Variants in CSRNP3 observed in about 807,000 individuals in gnomAD.
The protein encoded by CSRNP3 is cysteine and serine rich nuclear protein 3.
A neutral mutation model predicts 48.0 loss-of-function variants in CSRNP3; 12 were observed. That is an observed-to-expected ratio of 0.25 (90% confidence interval 0.16 to 0.41). The LOEUF (loss-of-function observed/expected upper bound fraction) is 0.41, where lower values mean the gene tolerates loss of function less well. CSRNP3 is among the 10% of genes least tolerant of loss of function. The pLI is 1.00. For missense variants in CSRNP3, 580 were observed against 724.4 expected (o/e 0.80, Z 2.29); for synonymous variants, 263 against 269.7 (o/e 0.98, Z 0.24).
At chr2:165,571,499 A>G (rs1473206138) in intron 3 of CSRNP3, among the ~76,000 whole-genome samples, 2 of 151,958 alleles carry the variant, frequency 1.3e-5, no homozygotes, top group Admixed American at 1.3e-4. Context: ...ATACACACAC[A>G]TATTTGTATA....
Position 165,515,801 on chromosome 2 carries a change from C to CT in CSRNP3, c.-112-2050dup, listed in dbSNP as rs532831528. On this transcript the variant is annotated intron_variant, in intron 2 of 6. Transcript: ENST00000651982. ...TGCAAATATCTTTTTCTTTTCCTTT[C>CT]TTTTTTTTTTTTTTTTTTTTTTGAG... is the stretch of plus-strand genomic sequence containing the variant. Among the ~76,000 whole-genome samples, 249 of 106,040 alleles carry CT rather than the reference C, an allele frequency of 2.3e-3. 1 individual carries two copies. Among genetic ancestry groups the CT allele is most frequent in the Non-Finnish European group, 3.2e-3 (176 of 54,498 alleles). The allele number at this position is 106,040 out of a possible 152,430, so 69.6% of individuals were successfully genotyped here.
intron 3 of CSRNP3, among the ~76,000 whole-genome samples, chr2:165,539,022 G>A (rs1684918673): frequency 6.6e-6 from 1 of 151,836 alleles, no homozygotes; most frequent in Admixed American, 6.6e-5. Context: ...CTGGAATAGT[G>A]GATTGAAAAA....
chr2:165,686,929 T>C lies in CSRNP3; in HGVS notation c.*7176T>C, dbSNP rs1034118473. ...CTAGGAGGGATCTCCAGAGGTCATATGGCTCATCGATCTACCACCAGGGAA... is the reference window on the plus strand; with the variant it reads ...CTAGGAGGGATCTCCAGAGGTCATACGGCTCATCGATCTACCACCAGGGAA... On this transcript the variant is annotated 3_prime_UTR_variant, in exon 7 of 7. Transcript: ENST00000651982. 6.6e-6 allele frequency: 1 copy of C among 152,114 alleles called. No homozygotes were observed. The highest frequency in any genetic ancestry group is 2.4e-5 in the African/African-American group (1 of 41,438). 9.4% of individuals were successfully genotyped at this position (152,114 alleles called of 1,614,324 possible).
chr2:165,648,434 G>A (rs1686849195), intron 4 of CSRNP3, among the ~76,000 whole-genome samples: 1 of 151,890 alleles, frequency 6.6e-6, no homozygotes. Context: ...ATAAGCAGGA[G>A]GATCAGTGCT....
At chr2:165,660,562 C>T (rs555531008) in intron 5 of CSRNP3, among the ~76,000 whole-genome samples, 40 of 152,138 alleles carry the variant, frequency 2.6e-4, no homozygotes, top group African/African-American at 8.2e-4. Flanking sequence ...TGGTGAACTC[C>T]GAGACACGTG....
chr2:165,596,906 A>G (rs2105296944), intron 4 of CSRNP3, among the ~76,000 whole-genome samples: 1 of 152,328 alleles, frequency 6.6e-6, no homozygotes, highest in South Asian at 2.1e-4. Context: ...CAATAGCTTT[A>G]TAGACATTAT....
chr2:165,623,941 G>A (rs143033228), intron 4 of CSRNP3, among the ~76,000 whole-genome samples: 34 of 152,200 alleles, frequency 2.2e-4, no homozygotes, highest in Admixed American at 7.2e-4. Flanking sequence ...TCCTTGTCTG[G>A]CTTTTCTTGT....
intron 4 of CSRNP3, among the ~76,000 whole-genome samples, chr2:165,618,696 C>T (rs1345476312): frequency 6.6e-6 from 1 of 152,142 alleles, no homozygotes; most frequent in Non-Finnish European, 1.5e-5. Flanking sequence ...CAGAGCAAAT[C>T]ATATATGTGG....
chr2:165,572,852 A>C (rs13028677), intron 3 of CSRNP3, among the ~76,000 whole-genome samples: 3 of 152,086 alleles, frequency 2.0e-5, no homozygotes, highest in Admixed American at 6.6e-5. Context: ...TCATCCAATA[A>C]TTTTTAATCT....
Position 165,657,769 on chromosome 2 carries a change from A to C in CSRNP3, c.157A>C (p.Ile53Leu). ...GTTTCTTTCTCTTTCAGCTTCCTCC[A>C]TTCTCAAAAGGGAGAAACGACTGAG... is the stretch of plus-strand genomic sequence containing the variant. Reference protein sequence around the residue: ...STSSHFTPSSILKREKRLRTK... With the variant: ...STSSHFTPSSLLKREKRLRTK... The change falls in exon 5 of 7, where the codon ATT becomes CTT. Residue 53 changes from isoleucine to leucine, a missense_variant. Around this residue, in one of 4 missense-constraint regions of CSRNP3, gnomAD observed 83 missense variants for 139.6 expected, o/e 0.59. Transcript: ENST00000651982. The C allele has an allele frequency of 6.2e-7, 1 of 1,613,098 alleles. No homozygotes were observed. The highest frequency in any genetic ancestry group is 8.5e-7 in the Non-Finnish European group (1 of 1,179,142).
intron 3 of CSRNP3, among the ~76,000 whole-genome samples, chr2:165,527,069 G>C (rs996290011): frequency 5.9e-5 from 9 of 152,038 alleles, no homozygotes; most frequent in African/African-American, 2.2e-4. Flanking sequence ...GCTATGAAAA[G>C]TAAACCTTCT....
chr2:165,636,255 A>G (rs1377063452), intron 4 of CSRNP3, among the ~76,000 whole-genome samples: 1 of 152,188 alleles, frequency 6.6e-6, no homozygotes, highest in Non-Finnish European at 1.5e-5. Context: ...AATTGCCTGG[A>G]TTCTAGGTGC....
chr2:165,557,298 C>G (rs1006467432), intron 3 of CSRNP3, among the ~76,000 whole-genome samples: 2 of 152,194 alleles, frequency 1.3e-5, no homozygotes, highest in African/African-American at 4.8e-5. Flanking sequence ...CTACAGCTGC[C>G]TTCGCATTAA....
intron 4 of CSRNP3, among the ~76,000 whole-genome samples, chr2:165,637,845 TAC>T (rs1686656841): frequency 6.6e-6 from 1 of 152,228 alleles, no homozygotes; most frequent in Admixed American, 6.5e-5. Context: ...AGTGTACAGA[TAC>T]AGATTCATTA....
At chr2:165,581,996 G>A (rs1307249287) in intron 3 of CSRNP3, among the ~76,000 whole-genome samples, 1 of 152,164 alleles carries the variant, frequency 6.6e-6, no homozygotes, top group Non-Finnish European at 1.5e-5. Flanking sequence ...TCCACAAAGT[G>A]TTTTATAATC....
chr2:165,488,251 C>A (rs1339270677), intron 1 of CSRNP3, among the ~76,000 whole-genome samples: 1 of 99,452 alleles, frequency 1.0e-5, no homozygotes, highest in Admixed American at 1.2e-4. Context: ...GCTAACTATC[C>A]TAAATATATA....
In CSRNP3 at chr2:165,687,565, C is replaced by G. The variant is rs994348972; in HGVS notation, c.*7812C>G. 1.3e-5 allele frequency: 2 copies of G among 152,076 alleles called. No individual in the cohort carries two copies. Among genetic ancestry groups the G allele is most frequent in the African/African-American group, 4.8e-5 (2 of 41,420 alleles). 9.4% of individuals were successfully genotyped at this position (152,076 alleles called of 1,614,324 possible). A position where few individuals can be genotyped will look rare whatever the true frequency, so the allele number is the denominator to read the frequency against. ...CAAATAAGAATCCAAAGTTTTTCCA[C>G]TCCTCCTGTGGGAGATAGGAATAGT... On this transcript the variant is annotated 3_prime_UTR_variant, in exon 7 of 7. Transcript: ENST00000651982.
intron 3 of CSRNP3, among the ~76,000 whole-genome samples, chr2:165,519,177 A>G (rs1684619022): frequency 6.6e-6 from 1 of 151,630 alleles, no homozygotes. Context: ...ATGAGATTCT[A>G]GGAATGAAAA....
chr2:165,625,177 G>C (rs1452612235), intron 4 of CSRNP3, among the ~76,000 whole-genome samples: 1 of 152,140 alleles, frequency 6.6e-6, no homozygotes, highest in Non-Finnish European at 1.5e-5. Flanking sequence ...CTTTCATTCA[G>C]TAAGTATTTA....
Sources: allele counts gnomAD v4.1 joint callset (sites outside exome capture counted in the v4.1 genomes callset), GRCh38; gene constraint gnomAD v4.1.1; regional missense constraint gnomAD v4.1.1; transcripts MANE v1.5; gene names NCBI Gene and HGNC (gene_info 2026-07-23, HGNC 2026-07-21).